ATRNL1: variants seen among roughly 807,000 people sequenced by gnomAD.
ATRNL1 encodes the protein attractin like 1.
In ATRNL1, 95 loss-of-function variants were observed where a neutral mutation model predicts 182.7. The observed-to-expected ratio is 0.52, with a 90% CI of 0.44 to 0.62. The LOEUF (loss-of-function observed/expected upper bound fraction) is 0.62. Ranked by LOEUF, ATRNL1 falls within the 20% of genes least tolerant of loss-of-function variation. The pLI is 0.00. For synonymous variants in ATRNL1, 576 were observed against 568.3 expected, an observed-to-expected ratio of 1.01 and a Z score of -0.19; for missense variants, 1,471 against 1,679.5, an observed-to-expected ratio of 0.88 and a Z score of 2.17.
chr10:115,320,596 C>G (rs1854531599), intron 18 of ATRNL1, among the ~76,000 whole-genome samples: 1 of 152,036 alleles, frequency 6.6e-6, no homozygotes, highest in African/African-American at 2.4e-5. Context: ...TCTTTTCATT[C>G]TTTTGTTTCT....
At chr10:115,234,752 G>T (rs546525912) in intron 9 of ATRNL1, among the ~76,000 whole-genome samples, 1 of 151,804 alleles carries the variant, frequency 6.6e-6, no homozygotes, top group African/African-American at 2.4e-5. Flanking sequence ...CAGCAGGGCC[G>T]ACTAATTTTT....
At position 115,366,784 on chromosome 10, in the gene ATRNL1, G is replaced by T. The variant is rs1483405840; in HGVS notation, c.3176-27875G>T. 1.8e-4 allele frequency among the ~76,000 whole-genome samples: 27 copies of T among 150,302 alleles called. 1 individual carries two copies. Among genetic ancestry groups the T allele is most frequent in the Admixed American group, 5.3e-4 (8 of 15,144 alleles). ...ATTTCTCCTTCACTTATGAAGCTTA[G>T]TTTGGCTGGATATGAAATTCTGGGT... On this transcript the variant is annotated intron_variant, in intron 19 of 28. Coordinates refer to ENST00000355044, the MANE Select transcript of ATRNL1 (RefSeq NM_207303.4).
At chr10:115,860,338 T>C (rs992848522) in intron 28 of ATRNL1, among the ~76,000 whole-genome samples, 3 of 152,174 alleles carry the variant, frequency 2.0e-5, no homozygotes, top group Non-Finnish European at 2.9e-5. Flanking sequence ...ATCAATAACA[T>C]GACTGTGCCA....
intron 27 of ATRNL1, among the ~76,000 whole-genome samples, chr10:115,799,971 A>G (rs1355783561): frequency 1.3e-5 from 2 of 152,098 alleles, no homozygotes; most frequent in Non-Finnish European, 2.9e-5. Context: ...CTATAATCCC[A>G]GCACTTTGGG....
chr10:115,439,721 A>G (rs1846576951), intron 21 of ATRNL1, among the ~76,000 whole-genome samples: 1 of 151,934 alleles, frequency 6.6e-6, no homozygotes, highest in Non-Finnish European at 1.5e-5. Context: ...GTGTAATAAC[A>G]AGTATTCTTA....
chr10:115,388,632 T>A (rs1162613692), intron 19 of ATRNL1, among the ~76,000 whole-genome samples: 1 of 151,996 alleles, frequency 6.6e-6, no homozygotes, highest in African/African-American at 2.4e-5. Flanking sequence ...ATAGGTTATT[T>A]TTTCTCATTT....
chr10:115,215,213 AG>A (rs1554895891), intron 8 of ATRNL1, among the ~76,000 whole-genome samples: 1 of 152,176 alleles, frequency 6.6e-6, no homozygotes, highest in Admixed American at 6.6e-5. Flanking sequence ...TGCAATACAA[AG>A]GACTTTATAA....
At chr10:115,870,984 A>G (rs76917796) in intron 28 of ATRNL1, among the ~76,000 whole-genome samples, 2,682 of 152,326 alleles carry the variant, frequency 0.018, 88 homozygotes, top group African/African-American at 0.061. Flanking sequence ...CGAGTTGCTA[A>G]GAATTAACTT....
intron 21 of ATRNL1, 129 bp downstream of exon 21, chr10:115,426,431 AC>A (rs1845896298): frequency 1.6e-6 from 1 of 619,598 alleles, no homozygotes; most frequent in Non-Finnish European, 2.8e-6. Flanking sequence ...ATTTTATAAT[AC>A]AACTTTACGT....
At chr10:115,131,316 TA>T (rs1261210411) in intron 5 of ATRNL1, among the ~76,000 whole-genome samples, 1 of 152,136 alleles carries the variant, frequency 6.6e-6, no homozygotes, top group Non-Finnish European at 1.5e-5. Context: ...TTGTAAATTA[TA>T]AAACGCAGAA....
intron 28 of ATRNL1, among the ~76,000 whole-genome samples, chr10:115,868,517 C>T (rs1219880059): frequency 1.3e-5 from 2 of 152,240 alleles, no homozygotes; most frequent in East Asian, 3.9e-4. Context: ...CCTCTATGTC[C>T]AGCACACACC....
In ATRNL1 at chr10:115,558,556, G is replaced by A. The variant is rs753183214; in HGVS notation, c.3795+9020G>A. Among the ~76,000 whole-genome samples, 272 of 152,260 alleles carry A rather than the reference G, an allele frequency of 1.8e-3. 1 individual carries two copies. The highest frequency in any genetic ancestry group is 0.01 in the Middle Eastern group (3 of 294). On this transcript the variant is annotated intron_variant, in intron 26 of 28. Coordinates refer to ENST00000355044, the MANE Select transcript of ATRNL1 (RefSeq NM_207303.4). ...GTAGCTTTTGATCCTTTGTTACTCAGCTTGGGGAGAGGGTTCTTTTTTTCT... is the reference window on the plus strand; with the variant it reads ...GTAGCTTTTGATCCTTTGTTACTCAACTTGGGGAGAGGGTTCTTTTTTTCT...
chr10:115,431,087 A>C (rs1345334807), intron 21 of ATRNL1, among the ~76,000 whole-genome samples: 4 of 152,156 alleles, frequency 2.6e-5, no homozygotes, highest in African/African-American at 9.7e-5. Context: ...CTCAATGTTT[A>C]GATTTTAATT....
chr10:115,305,789 A>C (rs1853699319), intron 17 of ATRNL1, among the ~76,000 whole-genome samples: 1 of 152,190 alleles, frequency 6.6e-6, no homozygotes, highest in Non-Finnish European at 1.5e-5. Context: ...AGAGTAAGGC[A>C]AAAGTGTATT....
At chr10:115,283,405 C>T (rs1315885943) in intron 14 of ATRNL1, among the ~76,000 whole-genome samples, 2 of 152,104 alleles carry the variant, frequency 1.3e-5, no homozygotes, top group African/African-American at 4.8e-5. Context: ...CAGAGTGAGA[C>T]TCTGTCTCAA....
chr10:115,678,463 C>A (rs180929188), intron 26 of ATRNL1, among the ~76,000 whole-genome samples: 1 of 151,934 alleles, frequency 6.6e-6, no homozygotes, highest in Admixed American at 6.6e-5. Context: ...AATTAAACTC[C>A]GAAGAAAAGT....
intron 26 of ATRNL1, among the ~76,000 whole-genome samples, chr10:115,690,404 G>C (rs1555047714): frequency 6.6e-6 from 1 of 152,088 alleles, no homozygotes; most frequent in Non-Finnish European, 1.5e-5. Flanking sequence ...TTTGCAATAG[G>C]GTTCTCGCTC....
chr10:115,610,336 G>A (rs1415361382), intron 26 of ATRNL1, among the ~76,000 whole-genome samples: 3 of 152,222 alleles, frequency 2.0e-5, no homozygotes, highest in African/African-American at 7.2e-5. Context: ...ACGAATGAAA[G>A]CAATTGATTT....
intron 8 of ATRNL1, among the ~76,000 whole-genome samples, chr10:115,211,606 C>T (rs147488225): frequency 2.1e-4 from 32 of 151,340 alleles, no homozygotes; most frequent in Non-Finnish European, 3.4e-4. Context: ...AGTATTTGGC[C>T]ATCATTTCTT....
Sources: gnomAD v4.1 joint callset for allele counts (sites outside exome capture counted in the v4.1 genomes callset) on GRCh38, gnomAD v4.1.1 for gene constraint, MANE v1.5 for transcripts, NCBI Gene and HGNC (gene_info 2026-07-23, HGNC 2026-07-21) for gene names.